Variants in NCALD observed in about 807,000 individuals in gnomAD.
NCALD encodes the protein neurocalcin delta, also known as neurocalcin-delta.
A neutral mutation model predicts 18.6 loss-of-function variants in NCALD; 10 were observed. The observed-to-expected ratio is 0.54, with a 90% CI of 0.33 to 0.91. The LOEUF (loss-of-function observed/expected upper bound fraction) is 0.91, where lower values mean the gene tolerates loss of function less well. Ranked by LOEUF, NCALD falls within the 40% of genes least tolerant of loss-of-function variation. The probability of loss-of-function intolerance (pLI) is 0.03; values close to 1 mark genes in which losing one functional copy is unlikely to be tolerated. For synonymous variants in NCALD, 88 were observed against 87.4 expected (o/e 1.01, Z -0.04); for missense variants, 184 against 247.6 (o/e 0.74, Z 1.72).
chr8:101,907,886 T>G (rs7828198), intron 3 of NCALD, among the ~76,000 whole-genome samples: 53 of 152,204 alleles, frequency 3.5e-4, no homozygotes, highest in African/African-American at 1.1e-3. Context: ...CAGTTGGTCA[T>G]AAGTTCATAA....
At chr8:101,696,307 A>G (rs558391852) in intron 2 of NCALD, among the ~76,000 whole-genome samples, 36 of 152,368 alleles carry the variant, frequency 2.4e-4, no homozygotes, top group African/African-American at 8.4e-4. Context: ...GGCAGACATT[A>G]GTAAAATAAA....
intron 1 of NCALD, chr8:102,070,240 A>G (rs1408329518): frequency 1.3e-5 from 2 of 152,222 alleles, no homozygotes; most frequent in African/African-American, 4.8e-5. Context: ...CACTAATAAT[A>G]GTCACAAAAT....
intron 2 of NCALD, among the ~76,000 whole-genome samples, chr8:101,705,745 G>A (rs898775974): frequency 6.6e-6 from 1 of 152,040 alleles, no homozygotes; most frequent in Non-Finnish European, 1.5e-5. Context: ...CCACCATGGA[G>A]GAGAGAGACT....
chr8:101,813,996 T>G (rs924073878), intron 4 of NCALD, among the ~76,000 whole-genome samples: 2 of 152,058 alleles, frequency 1.3e-5, no homozygotes, highest in African/African-American at 4.8e-5. Flanking sequence ...CTTTATATAT[T>G]AAAGAAATTG....
At chr8:101,962,882 T>C (rs898779079) in intron 2 of NCALD, among the ~76,000 whole-genome samples, 2 of 152,128 alleles carry the variant, frequency 1.3e-5, no homozygotes, top group Non-Finnish European at 2.9e-5. Context: ...TTTCTTTCTA[T>C]TTACTAGGAT....
At chr8:102,031,803 GA>G (rs1012317733) in intron 1 of NCALD, among the ~76,000 whole-genome samples, 2 of 152,142 alleles carry the variant, frequency 1.3e-5, no homozygotes, top group African/African-American at 4.8e-5. Context: ...ATGAAAACAT[GA>G]AAGGAAAGAT....
intron 4 of NCALD, among the ~76,000 whole-genome samples, chr8:101,847,864 G>T (rs1397540698): frequency 6.6e-6 from 1 of 151,996 alleles, no homozygotes; most frequent in African/African-American, 2.4e-5. Context: ...TGAGGTATGA[G>T]GCTGAACTTA....
chr8:101,897,674 A>G (rs1156980434), intron 3 of NCALD, among the ~76,000 whole-genome samples: 2 of 152,218 alleles, frequency 1.3e-5, no homozygotes, highest in Admixed American at 6.5e-5. Context: ...TTTATCTGGA[A>G]TAAGTGTCCA....
intron 3 of NCALD, among the ~76,000 whole-genome samples, chr8:101,904,748 C>T (rs1367346337): frequency 1.3e-5 from 2 of 152,182 alleles, no homozygotes; most frequent in Non-Finnish European, 2.9e-5. Context: ...TGCAGCCAGA[C>T]CTCTCTCTGC....
chr8:101,737,816 AG>A (rs1809995636), intron 1 of NCALD, among the ~76,000 whole-genome samples: 1 of 152,180 alleles, frequency 6.6e-6, no homozygotes, highest in African/African-American at 2.4e-5. Flanking sequence ...GCACTGAGAA[AG>A]GCGCTGGCAT....
At chr8:101,899,791 T>C (rs1817351953) in intron 3 of NCALD, among the ~76,000 whole-genome samples, 1 of 151,928 alleles carries the variant, frequency 6.6e-6, no homozygotes, top group Non-Finnish European at 1.5e-5. Flanking sequence ...ATTTTTAGGA[T>C]TCTCACATCT....
At chr8:101,806,169 A>C (rs777140621) in intron 4 of NCALD, among the ~76,000 whole-genome samples, 1 of 151,942 alleles carries the variant, frequency 6.6e-6, no homozygotes, top group Non-Finnish European at 1.5e-5. Flanking sequence ...AGTTTAATCA[A>C]GTCATTAAAA....
rs1357547661 is a variant in NCALD, at chr8:101,843,735, C to A, written c.-20+43406G>T. On this transcript the variant is annotated intron_variant, in intron 4 of 6. Transcript: ENST00000311028. ...TAGCTGGGATTACAGGCGTGTGCCA[C>A]CATACCCAGCTAATTTTTGTATTTT... Among the ~76,000 whole-genome samples, 3 of 152,010 alleles carry A rather than the reference C, an allele frequency of 2.0e-5. No individual in the cohort carries two copies. The South Asian group carries it at 6.2e-4, about 32-fold the overall frequency.
intron 2 of NCALD, among the ~76,000 whole-genome samples, chr8:101,712,602 A>AG (rs1815857181): frequency 2.3e-5 from 3 of 129,812 alleles, no homozygotes; most frequent in African/African-American, 8.7e-5. Flanking sequence ...AAAAAAAAAA[A>AG]AAAAAAAAAT....
intron 2 of NCALD, among the ~76,000 whole-genome samples, chr8:101,710,975 G>A (rs114706130): frequency 0.026 from 3,932 of 152,292 alleles, 132 homozygotes; most frequent in African/African-American, 0.078. Flanking sequence ...ACTAGGAGAT[G>A]CCTCCCAGCA....
intron 1 of NCALD, among the ~76,000 whole-genome samples, chr8:101,738,225 C>G (rs1181184929): frequency 6.6e-6 from 1 of 152,068 alleles, no homozygotes; most frequent in Non-Finnish European, 1.5e-5. Flanking sequence ...ATAGTATACT[C>G]ACTACAAAGC....
intron 4 of NCALD, among the ~76,000 whole-genome samples, chr8:101,811,970 A>G (rs1361581691): frequency 1.3e-5 from 2 of 152,252 alleles, no homozygotes; most frequent in African/African-American, 2.4e-5. Context: ...CTCTTTTTCT[A>G]TCATCTACAA....
chr8:102,031,718 G>T (rs1368216366), intron 1 of NCALD, among the ~76,000 whole-genome samples: 4 of 152,084 alleles, frequency 2.6e-5, no homozygotes, highest in Non-Finnish European at 1.5e-5. Flanking sequence ...GAAGGAAGGT[G>T]AGCAAAAATA....
At chr8:101,807,214 G>T (rs984872414) in intron 4 of NCALD, among the ~76,000 whole-genome samples, 1 of 152,046 alleles carries the variant, frequency 6.6e-6, no homozygotes, top group African/African-American at 2.4e-5. Flanking sequence ...ATCAGAAAAG[G>T]TAATTGTGTA....
Sources: gnomAD v4.1 joint callset for allele counts (sites outside exome capture counted in the v4.1 genomes callset) on GRCh38, gnomAD v4.1.1 for gene constraint, MANE v1.5 for transcripts, NCBI Gene and HGNC (gene_info 2026-07-23, HGNC 2026-07-21) for gene names.